CUX2: variants seen among roughly 807,000 people sequenced by gnomAD.
The protein encoded by CUX2 is cut like homeobox 2.
CUX2 carries 40 observed loss-of-function variants against 144.8 expected under a neutral mutation model. That is an observed-to-expected ratio of 0.28 (90% CI 0.21 to 0.36). The LOEUF is 0.36. Among genes scored for constraint, CUX2 ranks in the 10% least tolerant of loss-of-function variants. CUX2 has a pLI of 1.00. For synonymous variants in CUX2, 827 were observed against 875.6 expected, an observed-to-expected ratio of 0.94 and a Z score of 0.98; for missense variants, 1,615 against 1,994.0, an observed-to-expected ratio of 0.81 and a Z score of 3.62.
At chr12:111,084,533 C>T (rs1025591093) in intron 1 of CUX2, among the ~76,000 whole-genome samples, 2 of 149,168 alleles carry the variant, frequency 1.3e-5, no homozygotes, top group African/African-American at 2.5e-5. Context: ...CTGGCTATTA[C>T]GGAAATAGTA....
At chr12:111,162,121 G>T (rs1187524709) in intron 1 of CUX2, among the ~76,000 whole-genome samples, 1 of 152,222 alleles carries the variant, frequency 6.6e-6, no homozygotes. Flanking sequence ...CCCAGAGAGA[G>T]AAAATGCTTT....
At chr12:111,196,346 C>T (rs757814723) in intron 1 of CUX2, among the ~76,000 whole-genome samples, 1 of 152,156 alleles carries the variant, frequency 6.6e-6, no homozygotes, top group Non-Finnish European at 1.5e-5. Context: ...CACATGTTTT[C>T]GATTCTCTTG....
intron 1 of CUX2, among the ~76,000 whole-genome samples, chr12:111,082,480 G>C (rs112788368): frequency 1.3e-5 from 2 of 152,250 alleles, no homozygotes; most frequent in African/African-American, 4.8e-5. Flanking sequence ...ACCGTGCTGG[G>C]CAAGTGTCCG....
intron 1 of CUX2, among the ~76,000 whole-genome samples, chr12:111,086,673 C>T (rs1650802406): frequency 6.6e-6 from 1 of 152,142 alleles, no homozygotes; most frequent in Non-Finnish European, 1.5e-5. Context: ...GCCCTTTGGC[C>T]ACTTGTTTAG....
chr12:111,165,402 G>A (rs1461499405), intron 1 of CUX2, among the ~76,000 whole-genome samples: 1 of 152,226 alleles, frequency 6.6e-6, no homozygotes, highest in Non-Finnish European at 1.5e-5. Context: ...GTTAAGCACA[G>A]AAGATGCAAG....
chr12:111,038,852 T>G (rs1383329659), intron 1 of CUX2, among the ~76,000 whole-genome samples: 1 of 152,146 alleles, frequency 6.6e-6, no homozygotes, highest in Non-Finnish European at 1.5e-5. Flanking sequence ...AAGAAGCAAA[T>G]AAGTGTCTCG....
rs1885775589 is a variant in CUX2 at position 111,293,078 on chromosome 12, G to T, written c.437-368G>T. Among the ~76,000 whole-genome samples, 2 of 151,902 alleles carry T rather than the reference G, an allele frequency of 1.3e-5. No individual in the cohort carries two copies. The highest frequency in any genetic ancestry group is 2.4e-5 in the African/African-American group (1 of 41,350). Reference sequence around the variant, plus strand: ...GCAGAGGTTGCAGTAAGCTGAGATTGTGCCACTGCACTCGCAGTCCAGCCT... The same window carrying T: ...GCAGAGGTTGCAGTAAGCTGAGATTTTGCCACTGCACTCGCAGTCCAGCCT... On this transcript the variant is annotated intron_variant, in intron 5 of 21. Transcript: ENST00000261726. This position sits in a 1 kb window ranked among gnomAD's most constrained non-coding sequence, Gnocchi z 4.5.
chr12:111,036,932 G>A (rs1206453660), intron 1 of CUX2, among the ~76,000 whole-genome samples: 1 of 147,804 alleles, frequency 6.8e-6, no homozygotes, highest in Non-Finnish European at 1.5e-5. Context: ...CTCACTGATG[G>A]CATTTTTGTT....
chr12:111,212,316 C>T (rs1277266823), intron 1 of CUX2, among the ~76,000 whole-genome samples: 3 of 152,190 alleles, frequency 2.0e-5, no homozygotes, highest in Admixed American at 1.3e-4. Flanking sequence ...TGGAAGCCCC[C>T]ATGTACTTTC....
chr12:111,206,522 T>C (rs1429874022), intron 1 of CUX2, among the ~76,000 whole-genome samples: 4 of 152,234 alleles, frequency 2.6e-5, no homozygotes, highest in Non-Finnish European at 5.9e-5. Flanking sequence ...ATACTTCTCA[T>C]AGTGTATGTC....
chr12:111,176,574 T>C (rs1878868324), intron 1 of CUX2, among the ~76,000 whole-genome samples: 1 of 152,174 alleles, frequency 6.6e-6, no homozygotes, highest in African/African-American at 2.4e-5. Context: ...CAAACATCAT[T>C]GCTCTTGTCC....
intron 1 of CUX2, among the ~76,000 whole-genome samples, chr12:111,149,378 T>G (rs1876896578): frequency 6.6e-6 from 1 of 152,188 alleles, no homozygotes; most frequent in Non-Finnish European, 1.5e-5. Flanking sequence ...CTAGAATGAC[T>G]GAGGCAGGGT....
chr12:111,091,808 TC>T (rs1325657148), intron 1 of CUX2, among the ~76,000 whole-genome samples: 3 of 152,158 alleles, frequency 2.0e-5, no homozygotes, highest in Admixed American at 2.0e-4. Context: ...TGCCTGGTAT[TC>T]CCTGGCTTGT....
chr12:111,348,036 TGGA>T lies in CUX2; in HGVS notation c.4175_4177del (p.Glu1392del). 6.2e-7 allele frequency: 1 copy of T among 1,614,098 alleles called. No individual in the cohort carries two copies. The highest frequency in any genetic ancestry group is 1.3e-5 in the African/African-American group (1 of 75,008). ...GCCTCAGAGTCCTCACGCTGCAGCC[TGGA>T]GGTGTCACTGAACTCGCCCTCGGCC... On this transcript the variant is annotated inframe_deletion, in exon 22 of 22. Transcript: ENST00000261726.
chr12:111,064,248 G>A (rs981097903), intron 1 of CUX2, among the ~76,000 whole-genome samples: 1 of 152,192 alleles, frequency 6.6e-6, no homozygotes, highest in Non-Finnish European at 1.5e-5. Context: ...TGAGAAGTGT[G>A]CAGGTGAGAG....
chr12:111,151,680 G>A (rs1390831664), intron 1 of CUX2, among the ~76,000 whole-genome samples: 3 of 152,130 alleles, frequency 2.0e-5, no homozygotes, highest in African/African-American at 7.2e-5. Flanking sequence ...GGCTCTCAAT[G>A]CTGAGGGACA....
intron 16 of CUX2, among the ~76,000 whole-genome samples, chr12:111,317,858 G>C (rs1218423152): frequency 6.6e-6 from 1 of 152,054 alleles, no homozygotes; most frequent in Non-Finnish European, 1.5e-5. Flanking sequence ...AAATTAGCCA[G>C]GCCTGGTGGC....
intron 1 of CUX2, among the ~76,000 whole-genome samples, chr12:111,211,252 T>C (rs189040360): frequency 6.6e-6 from 1 of 152,306 alleles, no homozygotes; most frequent in Admixed American, 6.5e-5. Flanking sequence ...TGACTTCGTC[T>C]GCTCGAGGAA....
chr12:111,341,749 C>A lies in CUX2; in HGVS notation c.3386-31C>A, dbSNP rs771296247. On this transcript the variant is annotated intron_variant, in intron 20 of 21. Transcript: ENST00000261726. The stretch of plus-strand genomic sequence containing the variant: ...GGAACTTTTGGGATGGGGACACCAC[C>A]TCTCAGCCCTCCCTCTCTTCCTGGC... 5.8e-6 allele frequency: 9 copies of A among 1,546,212 alleles called. No individual in the cohort carries two copies. The Admixed American group carries it at 1.3e-4, about 23-fold the overall frequency.
Sources: gnomAD v4.1 joint callset for allele counts (sites outside exome capture counted in the v4.1 genomes callset) on GRCh38, gnomAD v4.1.1 for gene constraint, Gnocchi (gnomAD v3.1) non-coding constraint, MANE v1.5 for transcripts, NCBI Gene and HGNC (gene_info 2026-07-23, HGNC 2026-07-21) for gene names.